ARHGEF11: variants seen among roughly 807,000 people sequenced by gnomAD.
ARHGEF11 encodes Rho guanine exchange factor (GEF) 11.
A neutral mutation model predicts 193.7 loss-of-function variants in ARHGEF11; 55 were observed. The ratio of observed to expected loss-of-function variants is 0.28; its 90% CI spans 0.23 to 0.36. The LOEUF (loss-of-function observed/expected upper bound fraction) is 0.36. Among genes scored for constraint, ARHGEF11 ranks in the 10% least tolerant of loss-of-function variants. The pLI is 1.00. For missense variants in ARHGEF11, 1,723 were observed against 2,005.6 expected (o/e 0.86, Z 2.69); for synonymous variants, 693 against 768.0 (o/e 0.90, Z 1.62).
At chr1:157,020,060 C>T (rs1375111172) in intron 1 of ARHGEF11, among the ~76,000 whole-genome samples, 1 of 150,394 alleles carries the variant, frequency 6.6e-6, no homozygotes. Context: ...GGAGACGGAG[C>T]TTGCAGTGAG....
At chr1:156,950,681 AAACG>A (rs1164186287) in intron 22 of ARHGEF11, among the ~76,000 whole-genome samples, 4 of 147,484 alleles carry the variant, frequency 2.7e-5, no homozygotes, top group African/African-American at 1.1e-4. Context: ...ACAAACAAAC[AAACG>A]AAGGCAAAAT....
chr1:157,003,572 A>G (rs1029447201), intron 1 of ARHGEF11, among the ~76,000 whole-genome samples: 3 of 152,246 alleles, frequency 2.0e-5, no homozygotes, highest in Non-Finnish European at 2.9e-5. Flanking sequence ...GGTTCAGAGA[A>G]GATAAAGGAC....
intron 1 of ARHGEF11, among the ~76,000 whole-genome samples, chr1:157,042,463 CTT>C (rs150329384): frequency 2.1e-3 from 321 of 152,252 alleles, no homozygotes; most frequent in Middle Eastern, 0.014. Flanking sequence ...GTGTTTGAGT[CTT>C]TGAGTCCAGA....
Position 156,968,050 on chromosome 1 carries a change from G to A in ARHGEF11, c.900C>T (p.Ala300=). Residue 300 remains alanine, a synonymous_variant, in exon 11 of 41, where the codon GCC becomes GCT. Coordinates refer to ENST00000368194, the MANE Select transcript of ARHGEF11 (RefSeq NM_198236.3). ...GCCGCCTGTGGTGCTGGGCCACCCTGGCCATGATCACAGGGGAGGTTCGAG... is the reference window on the plus strand; with the variant it reads ...GCCGCCTGTGGTGCTGGGCCACCCTAGCCATGATCACAGGGGAGGTTCGAG... The part of the protein sequence containing the change: ...DSPRTSPVIM[A]RVAQHHRRQG... The A allele has an allele frequency of 6.2e-7, 1 of 1,614,208 alleles. No individual in the cohort carries two copies. The highest frequency in any genetic ancestry group is 8.5e-7 in the Non-Finnish European group (1 of 1,180,018).
At chr1:156,941,774 C>A in intron 34 of ARHGEF11, 90 bp downstream of exon 34, 1 of 1,505,536 alleles carries the variant, frequency 6.6e-7, no homozygotes, top group East Asian at 2.3e-5. Flanking sequence ...TTGTGGCTGT[C>A]TACCCACGGG....
intron 3 of ARHGEF11, among the ~76,000 whole-genome samples, chr1:156,982,582 A>C (rs1446458943): frequency 1.3e-5 from 2 of 152,144 alleles, no homozygotes; most frequent in Non-Finnish European, 2.9e-5. Flanking sequence ...TCACACACAC[A>C]GACTCTAGAA....
chr1:156,958,802 C>A lies in ARHGEF11; in HGVS notation c.1442G>T (p.Gly481Val), dbSNP rs764720762. 6.2e-7 allele frequency: 1 copy of A among 1,614,190 alleles called. No homozygotes were observed. Among genetic ancestry groups the A allele is most frequent in the Non-Finnish European group, 8.5e-7 (1 of 1,180,036 alleles). ...CACTTGGCGCTCTCGGAGAGGGTCCCCATCCAGGTCCAGCAGGTCATTTTC... is the reference window on the plus strand; with the variant it reads ...CACTTGGCGCTCTCGGAGAGGGTCCACATCCAGGTCCAGCAGGTCATTTTC... ...YGENDLLDLD[G>V]DPLRERQVAE... Residue 481 changes from glycine to valine, a missense_variant, in exon 17 of 41, where the codon GGG (glycine) becomes GTG (valine). Gly to Val is a moderately radical substitution (Grantham distance 109). Transcript: ENST00000368194.
chr1:156,978,428 A>G, intron 5 of ARHGEF11, 46 bp from the exon 6 acceptor site: 1 of 1,536,918 alleles, frequency 6.5e-7, no homozygotes, highest in Non-Finnish European at 8.7e-7. Flanking sequence ...GCTGTTCTGG[A>G]GAGACAGTCC....
At chr1:156,945,302 A>G in intron 29 of ARHGEF11, 105 bp from the exon 30 acceptor site, 1 of 1,349,316 alleles carries the variant, frequency 7.4e-7, no homozygotes, top group Non-Finnish European at 1.0e-6. Context: ...CTTGCTTCAA[A>G]CCAGCAGGCG....
intron 1 of ARHGEF11, among the ~76,000 whole-genome samples, chr1:157,018,428 G>A (rs899103689): frequency 5.9e-5 from 9 of 152,042 alleles, no homozygotes; most frequent in South Asian, 2.1e-4. Flanking sequence ...CGGATCATGC[G>A]GTCAGGAGAT....
chr1:157,019,097 A>G (rs1269226869), intron 1 of ARHGEF11, among the ~76,000 whole-genome samples: 1 of 152,234 alleles, frequency 6.6e-6, no homozygotes, highest in Non-Finnish European at 1.5e-5. Flanking sequence ...CATTAAATAC[A>G]AAGAGTACAA....
intron 1 of ARHGEF11, among the ~76,000 whole-genome samples, chr1:157,003,704 C>T (rs181481123): frequency 5.5e-4 from 84 of 152,294 alleles, no homozygotes; most frequent in Admixed American, 3.3e-3. Context: ...CTGACACAAG[C>T]GAGTAAAATG....
At chr1:156,967,303 TC>T (rs1661803704) in intron 11 of ARHGEF11, among the ~76,000 whole-genome samples, 1 of 152,208 alleles carries the variant, frequency 6.6e-6, no homozygotes, top group Non-Finnish European at 1.5e-5. Context: ...TCTAACAACG[TC>T]TGAACGTTGT....
In ARHGEF11 at chr1:156,939,725, G is replaced by A. The variant is rs1398561057; in HGVS notation, c.3919C>T (p.Leu1307Phe). Residue 1307 changes from leucine to phenylalanine, a missense_variant, in exon 37 of 41, where the codon CTT becomes TTT. Around this residue, in one of 5 missense-constraint regions of ARHGEF11, gnomAD observed 360 missense variants for 344.4 expected, o/e 1.05. Transcript: ENST00000368194. ...PPGGEGDNTQLAGLEGERPEQ... is the reference protein window; with the variant it reads ...PPGGEGDNTQFAGLEGERPEQ... ...GGCCGTTCCCCCTCCAGCCCTGCAA[G>A]CTGGGTGTTGTCCCCTTCACCCCCA... is the stretch of plus-strand genomic sequence containing the variant. The A allele has an allele frequency of 1.2e-6, 2 of 1,613,988 alleles. No individual in the cohort carries two copies. Among genetic ancestry groups the A allele is most frequent in the Admixed American group, 1.7e-5 (1 of 60,004 alleles).
At chr1:156,937,089 G>A (rs2275198) in intron 39 of ARHGEF11, 84 bp from the exon 40 acceptor site, 255,991 of 1,569,932 alleles carry the variant, frequency 0.16, 21,889 homozygotes, top group East Asian at 0.34. Context: ...GGGCCTTGGG[G>A]AGGAGGGTGT....
Position 156,946,738 on chromosome 1 carries a change from C to G in ARHGEF11, c.2618G>C (p.Cys873Ser), listed in dbSNP as rs753276779. 9 of 1,614,110 alleles carry G rather than the reference C, an allele frequency of 5.6e-6. No individual in the cohort carries two copies. The highest frequency in any genetic ancestry group is 1.3e-5 in the African/African-American group (1 of 74,938). Residue 873 changes from cysteine to serine, a missense_variant, in exon 28 of 41, where the codon TGT (cysteine) becomes TCT (serine). By Grantham distance (112) the Cys-to-Ser change is moderately radical. Transcript: ENST00000368194. ...CTCTAGGGCTATTGACTGATAGGAACAGAACTGTGCAGCCACTTGCTGGAG... is the reference window on the plus strand; with the variant it reads ...CTCTAGGGCTATTGACTGATAGGAAGAGAACTGTGCAGCCACTTGCTGGAG... Reference protein sequence around the residue: ...EELQQVAAQFCSYQSIALELI... With the variant: ...EELQQVAAQFSSYQSIALELI...
chr1:157,002,546 A>G (rs913652392), intron 1 of ARHGEF11, among the ~76,000 whole-genome samples: 1 of 152,092 alleles, frequency 6.6e-6, no homozygotes, highest in Non-Finnish European at 1.5e-5. Flanking sequence ...AACTAAGTCC[A>G]TTTCTACTGC....
At chr1:157,017,490 G>C (rs1468675503) in intron 1 of ARHGEF11, among the ~76,000 whole-genome samples, 2 of 151,972 alleles carry the variant, frequency 1.3e-5, no homozygotes, top group East Asian at 3.8e-4. Context: ...GGTGGATCAC[G>C]AGGTCAGGAG....
At position 156,955,738 on chromosome 1, in the gene ARHGEF11, T is replaced by C. The variant is rs1478510470; in HGVS notation, c.1733A>G (p.Lys578Arg). Residue 578 changes from lysine (K) to arginine (R), a missense_variant, in exon 20 of 41, where the codon AAA (lysine) becomes AGA (arginine). This residue lies in a region of ARHGEF11 where 491 missense variants were observed against 654.5 expected (regional missense o/e 0.75). Coordinates refer to ENST00000368194, the MANE Select transcript of ARHGEF11 (RefSeq NM_198236.3). Reference protein sequence around the residue: ...LEDKKRNPILKYIGKPKSSSQ... With the variant: ...LEDKKRNPILRYIGKPKSSSQ... ...AGAGCTTTTGGGCTTCCCAATGTAT[T>C]TGAGGATAGGGTTTCGCTTCTTGTC... 1 of 1,614,170 alleles carries C rather than the reference T, an allele frequency of 6.2e-7. No individual in the cohort carries two copies. Among genetic ancestry groups the C allele is most frequent in the Admixed American group, 1.7e-5 (1 of 60,028 alleles).
Sources: gnomAD v4.1 joint callset for allele counts (sites outside exome capture counted in the v4.1 genomes callset) on GRCh38, gnomAD v4.1.1 for gene constraint, gnomAD v4.1.1 regional missense constraint, MANE v1.5 for transcripts, NCBI Gene and HGNC (gene_info 2026-07-23, HGNC 2026-07-21) for gene names.